Variants in FTSJ1 observed in about 807,000 individuals in gnomAD.
FTSJ1 encodes tRNA (cytidine(32)/guanosine(34)-2'-O)-methyltransferase.
In FTSJ1, 3 loss-of-function variants were observed where a neutral mutation model predicts 28.5. The observed-to-expected ratio is 0.11, with a 90% confidence interval of 0.05 to 0.27. The LOEUF is 0.27. FTSJ1 is among the 10% of genes least tolerant of loss of function. The pLI, the probability that FTSJ1 is intolerant of heterozygous loss-of-function variation, is 1.00. For synonymous variants in FTSJ1, 104 were observed against 113.9 expected (o/e 0.91, Z 0.55); for missense variants, 162 against 279.0 (o/e 0.58, Z 2.99).
intron 1 of FTSJ1, among the ~76,000 whole-genome samples, chrX:48,477,438 G>T (rs1169240642): frequency 1.8e-5 from 2 of 111,417 alleles, no homozygotes; most frequent in Admixed American, 1.9e-4. Flanking sequence ...TAATAAAGGG[G>T]CCTAATCATC....
At chrX:48,484,466 C>T (rs782636729) in intron 12 of FTSJ1, among the ~76,000 whole-genome samples, 1 of 111,170 alleles carries the variant, frequency 9.0e-6, no homozygotes, top group African/African-American at 3.3e-5. Flanking sequence ...TCACTCCAAC[C>T]TCCGCCTCCC....
At chrX:48,478,404 G>A in intron 2 of FTSJ1, 45 bp from the exon 3 acceptor site, 1 of 1,165,325 alleles carries the variant, frequency 8.6e-7, no homozygotes, top group Non-Finnish European at 1.2e-6. Context: ...CCAGGTTGGA[G>A]AAGTGGGTGC....
intron 5 of FTSJ1, among the ~76,000 whole-genome samples, chrX:48,480,635 GT>G (rs1330092906): frequency 9.0e-6 from 1 of 111,211 alleles, no homozygotes; most frequent in Non-Finnish European, 1.9e-5. Flanking sequence ...GGGTGGAGTA[GT>G]CCAGGCAAGT....
chrX:48,477,689 G>C (rs1280654358), intron 1 of FTSJ1, among the ~76,000 whole-genome samples: 3 of 111,076 alleles, frequency 2.7e-5, no homozygotes, highest in East Asian at 2.8e-4. Flanking sequence ...GTGGGTGACA[G>C]TGATGGGAGG....
Position 48,481,598 on chromosome X carries a change from G to A in FTSJ1, c.572-34G>A, listed in dbSNP as rs369650651. ...GACGCCGACTGCACGAGGAGGAAGCGGCAGTCATGCCTCACTCCACCTTCC... is the reference window on the plus strand; with the variant it reads ...GACGCCGACTGCACGAGGAGGAAGCAGCAGTCATGCCTCACTCCACCTTCC... On this transcript the variant is annotated intron_variant, in intron 8 of 12. Transcript: ENST00000348411. 5.0e-5 allele frequency: 57 copies of A among 1,146,428 alleles called. No individual in the cohort carries two copies. The African/African-American group carries it at 8.7e-4, about 18-fold the overall frequency. 94.5% of individuals were successfully genotyped at this position (1,146,428 alleles called of 1,213,427 possible). A position where few individuals can be genotyped will look rare whatever the true frequency, so the allele number is the denominator to read the frequency against.
At position 48,478,698 on chromosome X, in the gene FTSJ1, C is replaced by T. The variant is rs782548175; in HGVS notation, c.273C>T (p.Asp91=). 5.9e-6 allele frequency: 7 copies of T among 1,192,042 alleles called. No homozygotes were observed. Among genetic ancestry groups the T allele is most frequent in the Admixed American group, 2.2e-5 (1 of 45,748 alleles). ...PLPGVVQIQG[D]ITQLSTAKEI... ...CAGGTGTGGTACAGATCCAGGGGGA[C>T]ATCACCCAGGTAAGAGCATGGCTGA... The change falls in exon 4 of 13, where the codon GAC becomes GAT. Residue 91 remains aspartate (D), a synonymous_variant. Transcript: ENST00000348411.
chrX:48,484,903 C>T (rs1034115173), intron 12 of FTSJ1, among the ~76,000 whole-genome samples: 2 of 111,921 alleles, frequency 1.8e-5, no homozygotes, highest in African/African-American at 3.2e-5. Flanking sequence ...TTGAAAGCCT[C>T]GTACATGCTA....
chrX:48,482,238 C>T (rs1459488265), intron 9 of FTSJ1, among the ~76,000 whole-genome samples, 165 bp from the exon 10 acceptor site: 1 of 111,560 alleles, frequency 9.0e-6, no homozygotes, highest in East Asian at 2.8e-4. Context: ...TTATGGAGGG[C>T]CTCCCCGAGG....
chrX:48,478,402 G>A (rs782617562), intron 2 of FTSJ1, 47 bp from the exon 3 acceptor site: 2 of 1,160,692 alleles, frequency 1.7e-6, no homozygotes. Flanking sequence ...CTCCAGGTTG[G>A]AGAAGTGGGT....
chrX:48,481,106 AC>A, intron 5 of FTSJ1, 44 bp from the exon 6 acceptor site: 1 of 1,108,612 alleles, frequency 9.0e-7, no homozygotes, highest in Admixed American at 2.2e-5. Context: ...AAGAAGATGC[AC>A]AGAGCCAGAT....
In FTSJ1 at chrX:48,482,996, A is replaced by G; in HGVS notation, c.968A>G (p.Asn323Ser). 8.3e-7 allele frequency: 1 copy of G among 1,209,476 alleles called. No individual in the cohort carries two copies. Among genetic ancestry groups the G allele is most frequent in the Non-Finnish European group, 1.1e-6 (1 of 893,167 alleles). The stretch of plus-strand genomic sequence containing the variant: ...CTTTTTCTTGGGTAGATGGAAGACA[A>G]TGAAATGAGTTGTTCACCTTAACCC... ...HTLLAPEMED[N>S]EMSCSP is the part of the protein sequence containing the mutation. The change falls in exon 12 of 13, where the codon AAT (asparagine) becomes AGT (serine). Residue 323 changes from asparagine to serine, a missense_variant. Coordinates refer to ENST00000348411, the MANE Select transcript of FTSJ1 (RefSeq NM_012280.4).
rs560411675 is a variant in FTSJ1, at chrX:48,481,155, C to T, written c.366C>T (p.Thr122=). The change falls in exon 6 of 13, where the codon ACC becomes ACT. Residue 122 remains threonine, a synonymous_variant. Coordinates refer to ENST00000348411, the MANE Select transcript of FTSJ1 (RefSeq NM_012280.4). ...LVVCDGAPDV[T]GLHDVDEYMQ... is the part of the protein sequence containing the mutation. ...ACGCTGTTCCTCTTGCCACAGTAAC[C>T]GGTCTCCATGATGTTGATGAGTATA... 88 of 1,207,255 alleles carry T rather than the reference C, an allele frequency of 7.3e-5. No individual in the cohort carries two copies. In the South Asian group the frequency reaches 1.5e-3, roughly 20 times the overall value.
chrX:48,484,019 C>A (rs2061586033), intron 12 of FTSJ1, among the ~76,000 whole-genome samples: 2 of 111,189 alleles, frequency 1.8e-5, no homozygotes, highest in Admixed American at 9.6e-5. Flanking sequence ...ATGGCCCTTT[C>A]TGACAATGGC....
At chrX:48,480,666 G>A in intron 5 of FTSJ1, among the ~76,000 whole-genome samples, 1 of 111,360 alleles carries the variant, frequency 9.0e-6, no homozygotes, top group Non-Finnish European at 1.9e-5. Context: ...TGAGGGCAGT[G>A]GTGGAGAGGA....
chrX:48,478,849 GC>G, intron 4 of FTSJ1, 142 bp downstream of exon 4: 1 of 546,369 alleles, frequency 1.8e-6, no homozygotes, highest in Non-Finnish European at 3.2e-6. Context: ...GAAACAGTCA[GC>G]AGGTCATCAT....
In FTSJ1 at chrX:48,478,577, G is replaced by A. The variant is rs147807045; in HGVS notation, c.192-40G>A. ...AGGGCCGGCTGGGTGGGAGGGGCCC[G>A]GGAGCGAAACTAGGCTGATGTGGGC... On this transcript the variant is annotated intron_variant, in intron 3 of 12. Transcript: ENST00000348411. The A allele has an allele frequency of 3.1e-3, 3,650 of 1,190,813 alleles. 84 individuals carry two copies. The African/African-American group carries it at 0.056, about 18-fold the overall frequency.
At position 48,482,762 on chromosome X, in the gene FTSJ1, G is replaced by A. The variant is rs782229473; in HGVS notation, c.925G>A (p.Ala309Thr). 16 of 1,207,287 alleles carry A rather than the reference G, an allele frequency of 1.3e-5. No homozygotes were observed. The highest frequency in any genetic ancestry group is 8.9e-5 in the East Asian group (3 of 33,743). Residue 309 changes from alanine (A) to threonine (T), a missense_variant, in exon 11 of 13, where the codon GCC (alanine) becomes ACC (threonine). By Grantham distance (58) the Ala-to-Thr change is moderately conservative. Transcript: ENST00000348411. ...GGACACGTTTCCCCAGCCCCTGGCC[G>A]CCCCTCAGTGCCACACCCTGCTGGC... ...RVDTFPQPLA[A>T]PQCHTLLAPE...
intron 9 of FTSJ1, 46 bp from the exon 10 acceptor site, chrX:48,482,357 C>T (rs922503128): frequency 6.6e-6 from 6 of 912,027 alleles, no homozygotes; most frequent in Admixed American, 2.3e-5. Context: ...ATGACTGGCC[C>T]CAGGCATCCT....
chrX:48,478,618 G>A lies in FTSJ1; in HGVS notation c.193G>A (p.Gly65Ser), dbSNP rs782360834. 1.6e-5 allele frequency: 19 copies of A among 1,205,756 alleles called. No homozygotes were observed. Among genetic ancestry groups the A allele is most frequent in the Non-Finnish European group, 1.9e-5 (17 of 891,881 alleles). Residue 65 changes from glycine to serine, a missense_variant and splice_region_variant, in exon 4 of 13, where the codon GGC becomes AGC. Coordinates refer to ENST00000348411, the MANE Select transcript of FTSJ1 (RefSeq NM_012280.4). ...WSQVLSQKIG[G>S]QGSGHVVAVD... ...TGATGTGGGCCATGTTGTCCACAGG[G>A]GCCAAGGGTCCGGCCACGTGGTGGC... is the stretch of plus-strand genomic sequence containing the variant.
Sources: allele counts gnomAD v4.1 joint callset (sites outside exome capture counted in the v4.1 genomes callset), GRCh38; gene constraint gnomAD v4.1.1; transcripts MANE v1.5; gene names NCBI Gene and HGNC (gene_info 2026-07-23, HGNC 2026-07-21).